The following ALDH1A2 variants were observed in gnomAD, a reference collection of about 807,000 sequenced individuals.
ALDH1A2 encodes the protein retinal dehydrogenase 2.
In ALDH1A2, 27 loss-of-function variants were observed where a neutral mutation model predicts 60.3. The observed-to-expected ratio is 0.45, with a 90% CI of 0.33 to 0.62. The LOEUF (loss-of-function observed/expected upper bound fraction) is 0.62. Ranked by LOEUF, ALDH1A2 falls within the 20% of genes least tolerant of loss-of-function variation. ALDH1A2 has a pLI of 0.02. For synonymous variants in ALDH1A2, 289 were observed against 232.4 expected, an observed-to-expected ratio of 1.24 and a Z score of -2.21; for missense variants, 581 against 643.8, an observed-to-expected ratio of 0.90 and a Z score of 1.06.
chr15:57,996,075 T>C (rs1056735108), intron 4 of ALDH1A2, among the ~76,000 whole-genome samples: 1 of 152,046 alleles, frequency 6.6e-6, no homozygotes, highest in Non-Finnish European at 1.5e-5. Context: ...AGCAGTCCCC[T>C]AAGGCAAGTG....
chr15:58,064,952 A>G (rs1897136329), intron 1 of ALDH1A2, among the ~76,000 whole-genome samples: 1 of 152,254 alleles, frequency 6.6e-6, no homozygotes, highest in African/African-American at 2.4e-5. Context: ...CGCTGCCTAC[A>G]AAATTCACAT....
At chr15:58,026,054 G>C (rs372180364) in intron 1 of ALDH1A2, among the ~76,000 whole-genome samples, 20 of 152,174 alleles carry the variant, frequency 1.3e-4, no homozygotes, top group African/African-American at 4.1e-4. Flanking sequence ...CATATCAAGG[G>C]AATTCTCTCT....
At chr15:58,009,149 C>T (rs1895550183) in intron 4 of ALDH1A2, among the ~76,000 whole-genome samples, 1 of 152,054 alleles carries the variant, frequency 6.6e-6, no homozygotes, top group African/African-American at 2.4e-5. Flanking sequence ...GTCTCTAAAT[C>T]ATCTCCATTC....
At chr15:57,985,787 G>T (rs138721053) in intron 7 of ALDH1A2, among the ~76,000 whole-genome samples, 1 of 152,218 alleles carries the variant, frequency 6.6e-6, no homozygotes, top group Non-Finnish European at 1.5e-5. Flanking sequence ...CTTCATATAT[G>T]ACCAGAAACT....
rs3803450 is a variant in ALDH1A2, at chr15:58,065,334, A to G, written c.117+200T>C. On this transcript the variant is annotated intron_variant, in intron 1 of 12. Transcript: ENST00000249750. ...CGCTTCGGGTTGGGTTAAGTCCCCA[A>G]GGCGTCCTCAGACCACGGCGGGGCT... 1,449 of 641,096 alleles carry G rather than the reference A, an allele frequency of 2.3e-3. 15 individuals are homozygous for G. Among genetic ancestry groups the G allele is most frequent in the Admixed American group, 0.018 (721 of 41,164 alleles). 39.7% of individuals were successfully genotyped at this position (641,096 alleles called of 1,614,324 possible).
chr15:57,974,504 A>G (rs1287941570), intron 7 of ALDH1A2, among the ~76,000 whole-genome samples: 1 of 152,070 alleles, frequency 6.6e-6, no homozygotes, highest in Non-Finnish European at 1.5e-5. Flanking sequence ...GAAAAAAGCA[A>G]GCATCACAAA....
At chr15:58,016,125 C>A (rs908105830) in intron 1 of ALDH1A2, among the ~76,000 whole-genome samples, 9 of 151,430 alleles carry the variant, frequency 5.9e-5, no homozygotes, top group South Asian at 4.2e-4. Context: ...TCACCAAGGC[C>A]CACTGATCCT....
chr15:57,992,860 G>C, intron 6 of ALDH1A2, 42 bp from the exon 7 acceptor site: 1 of 1,613,614 alleles, frequency 6.2e-7, no homozygotes. Context: ...GATGAAAGCT[G>C]ATGCATCATG....
At chr15:58,064,494 T>G (rs1334897663) in intron 1 of ALDH1A2, among the ~76,000 whole-genome samples, 3 of 152,214 alleles carry the variant, frequency 2.0e-5, no homozygotes, top group South Asian at 2.1e-4. Flanking sequence ...AAATTTATCT[T>G]GTAAAAAAGC....
At chr15:57,986,571 C>CA (rs71116542) in intron 7 of ALDH1A2, among the ~76,000 whole-genome samples, 23,489 of 79,954 alleles carry the variant, frequency 0.29, 2,872 homozygotes, top group South Asian at 0.4. Context: ...ACAGAAAAGC[C>CA]AAAAAAAAAA....
chr15:58,015,225 A>C (rs1895757555), intron 1 of ALDH1A2, among the ~76,000 whole-genome samples: 1 of 152,224 alleles, frequency 6.6e-6, no homozygotes. Context: ...GACAAAAACA[A>C]TGATAATTAT....
At chr15:58,031,151 T>C (rs1896230708) in intron 1 of ALDH1A2, among the ~76,000 whole-genome samples, 1 of 152,194 alleles carries the variant, frequency 6.6e-6, no homozygotes, top group Admixed American at 6.5e-5. Context: ...AGCCTGGTAC[T>C]AGTACCAGCA....
chr15:58,055,821 G>A (rs1324005226), intron 1 of ALDH1A2, among the ~76,000 whole-genome samples: 5 of 152,046 alleles, frequency 3.3e-5, no homozygotes, highest in African/African-American at 4.8e-5. Context: ...CAGACCTGGT[G>A]CTTAGGAATA....
At chr15:58,009,165 G>T (rs1487340958) in intron 4 of ALDH1A2, among the ~76,000 whole-genome samples, 1 of 152,174 alleles carries the variant, frequency 6.6e-6, no homozygotes, top group East Asian at 1.9e-4. Context: ...CATTCTCACT[G>T]TAAATTATTC....
intron 1 of ALDH1A2, among the ~76,000 whole-genome samples, chr15:58,021,122 T>A (rs747531257): frequency 1.3e-5 from 2 of 152,206 alleles, no homozygotes; most frequent in Non-Finnish European, 2.9e-5. Context: ...ATATCTTTAT[T>A]ATTTTGATGT....
intron 7 of ALDH1A2, among the ~76,000 whole-genome samples, chr15:57,971,935 G>A (rs1315879716): frequency 6.6e-6 from 1 of 151,930 alleles, no homozygotes; most frequent in Non-Finnish European, 1.5e-5. Flanking sequence ...TTGCCATCTT[G>A]CCCAGGCTGG....
intron 1 of ALDH1A2, among the ~76,000 whole-genome samples, chr15:58,032,562 T>C (rs921929638): frequency 2.0e-5 from 3 of 152,016 alleles, no homozygotes; most frequent in African/African-American, 7.2e-5. Flanking sequence ...AGGAAAGTCT[T>C]GTATATGGCT....
chr15:58,061,641 G>GA (rs1720542342), intron 1 of ALDH1A2, among the ~76,000 whole-genome samples: 2 of 96,684 alleles, frequency 2.1e-5, no homozygotes, highest in Non-Finnish European at 5.1e-5. Context: ...ACAAAACGAT[G>GA]AAAAAACAAC....
intron 7 of ALDH1A2, among the ~76,000 whole-genome samples, chr15:57,976,001 C>T (rs1442525599): frequency 2.0e-5 from 3 of 152,120 alleles, no homozygotes; most frequent in African/African-American, 4.8e-5. Context: ...AATTATACTA[C>T]AATAAAGCTG....
Sources: gnomAD v4.1 joint callset for allele counts (sites outside exome capture counted in the v4.1 genomes callset) on GRCh38, gnomAD v4.1.1 for gene constraint, MANE v1.5 for transcripts, NCBI Gene and HGNC (gene_info 2026-07-23, HGNC 2026-07-21) for gene names.